Variants in WASHC4 observed in about 807,000 individuals in gnomAD.
WASHC4 encodes WASH complex subunit 7.
In WASHC4, 86 loss-of-function variants were observed where a neutral mutation model predicts 166.6. That is an observed-to-expected ratio of 0.52 (90% confidence interval 0.43 to 0.62). The LOEUF (loss-of-function observed/expected upper bound fraction) is 0.62. Ranked by LOEUF, WASHC4 falls within the 20% of genes least tolerant of loss-of-function variation. WASHC4 has a pLI of 0.00. For missense variants in WASHC4, 1,262 were observed against 1,382.4 expected (o/e 0.91, Z 1.38); for synonymous variants, 446 against 451.6 (o/e 0.99, Z 0.16).
intron 13 of WASHC4, among the ~76,000 whole-genome samples, chr12:105,128,832 G>A (rs1275146671): frequency 6.6e-6 from 1 of 151,578 alleles, no homozygotes; most frequent in South Asian, 2.1e-4. Context: ...AGGCTGGAGT[G>A]CAGTGGTGTT....
chr12:105,115,208 C>A lies in WASHC4; in HGVS notation c.346C>A (p.Leu116Ile). The change falls in exon 5 of 33, where the codon CTC becomes ATC. Residue 116 changes from leucine (L) to isoleucine (I), a missense_variant. Leu to Ile is a conservative substitution (Grantham distance 5). Transcript: ENST00000332180. The part of the protein sequence containing the change: ...YEAETKFYNG[L>I]LFYGEGATDA... ...GGCTGAAACTAAATTTTACAATGGT[C>A]TCTTGTTTTATGGAGAAGGAGGTAA... 1 of 1,556,074 alleles carries A rather than the reference C, an allele frequency of 6.4e-7. No homozygotes were observed. The highest frequency in any genetic ancestry group is 1.1e-5 in the South Asian group (1 of 89,444).
chr12:105,161,514 G>A (rs1419978469), intron 29 of WASHC4, among the ~76,000 whole-genome samples: 2 of 152,148 alleles, frequency 1.3e-5, no homozygotes, highest in African/African-American at 4.8e-5. Context: ...CCATTGGTAA[G>A]CTTAGGAAAA....
chr12:105,149,793 GTA>G, intron 25 of WASHC4, 44 bp downstream of exon 25: 3 of 1,545,500 alleles, frequency 1.9e-6, no homozygotes, highest in Non-Finnish European at 2.6e-6. Context: ...AAGCTATTGA[GTA>G]TATGGCAAAT....
intron 24 of WASHC4, 68 bp from the exon 25 acceptor site, chr12:105,149,547 T>TGA (rs879331943): frequency 0.012 from 13,406 of 1,114,676 alleles, 251 homozygotes; most frequent in Non-Finnish European, 0.014. Context: ...ACAGTAAAAT[T>TGA]TATTTGAATT....
At chr12:105,156,146 A>G (rs1884148199) in intron 26 of WASHC4, among the ~76,000 whole-genome samples, 2 of 152,244 alleles carry the variant, frequency 1.3e-5, no homozygotes, top group Admixed American at 1.3e-4. Flanking sequence ...GATGACTTTA[A>G]GACATTTGGC....
At chr12:105,136,893 T>C (rs1882376952) in intron 14 of WASHC4, among the ~76,000 whole-genome samples, 1 of 152,166 alleles carries the variant, frequency 6.6e-6, no homozygotes, top group South Asian at 2.1e-4. Flanking sequence ...GAACTCCTAC[T>C]TTGCGCTGAG....
At chr12:105,157,135 A>G in intron 27 of WASHC4, 101 bp from the exon 28 acceptor site, 1 of 691,608 alleles carries the variant, frequency 1.4e-6, no homozygotes, top group Non-Finnish European at 2.6e-6. Flanking sequence ...TTCCAAATAC[A>G]TAGTTGAAAA....
At chr12:105,112,158 T>G (rs1254506751) in intron 2 of WASHC4, among the ~76,000 whole-genome samples, 2 of 152,244 alleles carry the variant, frequency 1.3e-5, no homozygotes, top group African/African-American at 4.8e-5. Context: ...ATACGATATG[T>G]GCTCCTTTGT....
intron 29 of WASHC4, among the ~76,000 whole-genome samples, chr12:105,161,323 A>G (rs1884481962): frequency 6.6e-6 from 1 of 152,202 alleles, no homozygotes; most frequent in Non-Finnish European, 1.5e-5. Flanking sequence ...TTGTATTTTA[A>G]CTATGATATA....
At chr12:105,155,500 T>C (rs1884078690) in intron 26 of WASHC4, among the ~76,000 whole-genome samples, 1 of 622 alleles carries the variant, frequency 1.6e-3, no homozygotes, top group African/African-American at 4.8e-3. Context: ...GATGTCAGGA[T>C]TTTGATTACT....
Position 105,149,626 on chromosome 12 carries a change from C to A in WASHC4, c.2526C>A (p.Thr842=). ...TTTTAATTTTATAGGTTAATTTCAC[C>A]TACCAGTTTTTGAAAAAGAAGTTCT... ...TGIMNTTVNF[T]YQFLKKKFYI... The change falls in exon 25 of 33, where the codon ACC becomes ACA. Residue 842 remains threonine (T), a synonymous_variant. Transcript: ENST00000332180. 6.8e-7 allele frequency: 1 copy of A among 1,462,024 alleles called. No individual in the cohort carries two copies. The highest frequency in any genetic ancestry group is 1.2e-5 in the South Asian group (1 of 83,572). The allele number at this position is 1,462,024 out of a possible 1,614,324, so 90.6% of individuals were successfully genotyped here.
chr12:105,131,733 C>CT (rs1234715319), intron 13 of WASHC4, among the ~76,000 whole-genome samples: 6 of 152,096 alleles, frequency 3.9e-5, no homozygotes, highest in Admixed American at 1.3e-4. Flanking sequence ...AAGGACCAGG[C>CT]TTTTAAAAAA....
chr12:105,168,183 A>G lies in WASHC4; in HGVS notation c.*1252A>G, dbSNP rs1015543287. The G allele has an allele frequency of 6.6e-6, 1 of 152,302 alleles. No homozygotes were observed. The highest frequency in any genetic ancestry group is 1.5e-5 in the Non-Finnish European group (1 of 67,936). The allele number at this position is 152,302 out of a possible 1,614,324, so 9.4% of individuals were successfully genotyped here. A position where few individuals can be genotyped will look rare whatever the true frequency, so the allele number is the denominator to read the frequency against. ...ATTATTCTTTGATTCCAGCTTTTAG[A>G]ATGGGTGTACAATGCCCTGTTTGTA... On this transcript the variant is annotated 3_prime_UTR_variant, in exon 33 of 33. Coordinates refer to ENST00000332180, the MANE Select transcript of WASHC4 (RefSeq NM_015275.3).
chr12:105,142,145 C>A (rs1882920679), intron 18 of WASHC4, among the ~76,000 whole-genome samples: 1 of 151,496 alleles, frequency 6.6e-6, no homozygotes, highest in Non-Finnish European at 1.5e-5. Flanking sequence ...TTACCAAAAC[C>A]AAAAATGGTC....
At chr12:105,122,031 A>G in intron 9 of WASHC4, 87 bp from the exon 10 acceptor site, 1 of 923,610 alleles carries the variant, frequency 1.1e-6, no homozygotes, top group East Asian at 2.7e-5. Flanking sequence ...ATATAAATAT[A>G]AAATTTTGAC....
In WASHC4 at chr12:105,146,657, A is replaced by AT. The variant is rs974196954; in HGVS notation, c.2409+138dup. 30 of 653,954 alleles carry AT rather than the reference A, an allele frequency of 4.6e-5. No individual in the cohort carries two copies. The African/African-American group carries it at 5.0e-4, about 11-fold the overall frequency. 40.5% of individuals were successfully genotyped at this position (653,954 alleles called of 1,614,324 possible). On this transcript the variant is annotated intron_variant, in intron 23 of 32. Coordinates refer to ENST00000332180, the MANE Select transcript of WASHC4 (RefSeq NM_015275.3). ...AATAATTGTTTTCGAGGCCTTGTTT[A>AT]TTTTTTTGCCTTGATTATACCAGTT...
intron 6 of WASHC4, among the ~76,000 whole-genome samples, chr12:105,117,899 C>T (rs1227643570): frequency 6.6e-6 from 1 of 152,146 alleles, no homozygotes; most frequent in South Asian, 2.1e-4. Context: ...AAACATATCC[C>T]TAGGATAAGT....
chr12:105,110,876 ATAATATGTTAGGGTT>A (rs1879619936), intron 1 of WASHC4, among the ~76,000 whole-genome samples: 1 of 152,196 alleles, frequency 6.6e-6, no homozygotes, highest in East Asian at 1.9e-4. Flanking sequence ...TGGCTTTTTC[ATAATATGTTAGGGTT>A]TTAAGGTAGT....
Position 105,162,820 on chromosome 12 carries a change from C to G in WASHC4, c.3132C>G (p.Ala1044=), listed in dbSNP as rs765995125. ...ATAAAAAAAATAAAATTGGAGCTGC[C>G]TTTACTGATGATGGCTTTGCCATGG... is the stretch of plus-strand genomic sequence containing the variant. ...KLNKKNKIGA[A]FTDDGFAMGV... The change falls in exon 30 of 33, where the codon GCC becomes GCG. Residue 1044 remains alanine (A), a synonymous_variant. Transcript: ENST00000332180. 1 of 1,596,606 alleles carries G rather than the reference C, an allele frequency of 6.3e-7. No individual in the cohort carries two copies. Among genetic ancestry groups the G allele is most frequent in the Admixed American group, 1.7e-5 (1 of 59,890 alleles).
Sources: gnomAD v4.1 joint callset for allele counts (sites outside exome capture counted in the v4.1 genomes callset) on GRCh38, gnomAD v4.1.1 for gene constraint, MANE v1.5 for transcripts, NCBI Gene and HGNC (gene_info 2026-07-23, HGNC 2026-07-21) for gene names.